PRKG1: variants seen among roughly 807,000 people sequenced by gnomAD.
PRKG1 encodes the protein cGMP-dependent protein kinase 1.
Under a neutral mutation model 88.1 loss-of-function variants are expected in PRKG1, and 35 were observed. The ratio of observed to expected loss-of-function variants is 0.40; its 90% CI spans 0.30 to 0.53. The LOEUF is 0.53. Ranked by LOEUF, PRKG1 falls within the 20% of genes least tolerant of loss-of-function variation. The probability of loss-of-function intolerance (pLI) is 0.59; values close to 1 mark genes in which losing one functional copy is unlikely to be tolerated. For synonymous variants in PRKG1, 303 were observed against 292.5 expected (o/e 1.04, Z -0.37); for missense variants, 540 against 839.8 (o/e 0.64, Z 4.41).
intron 4 of PRKG1, among the ~76,000 whole-genome samples, chr10:51,827,017 G>T (rs181532777): frequency 5.3e-5 from 8 of 152,204 alleles, no homozygotes; most frequent in African/African-American, 1.9e-4. Flanking sequence ...AACACTAAAA[G>T]AAACAATTAG....
intron 9 of PRKG1, among the ~76,000 whole-genome samples, chr10:52,250,542 C>G (rs934138479): frequency 6.6e-6 from 1 of 152,160 alleles, no homozygotes; most frequent in East Asian, 1.9e-4. Flanking sequence ...AGTATCATTA[C>G]CTCAAGTGCA....
chr10:51,380,821 G>T (rs61849764), intron 2 of PRKG1, among the ~76,000 whole-genome samples: 29,071 of 152,040 alleles, frequency 0.19, 3,134 homozygotes, highest in East Asian at 0.35. Flanking sequence ...ACCTTATAAG[G>T]GGAATAATGA....
At position 52,280,785 on chromosome 10, in the gene PRKG1, T is replaced by G; in HGVS notation, c.1404-4T>G. On this transcript the variant is annotated splice_region_variant and splice_polypyrimidine_tract_variant and intron_variant, in intron 12 of 17. Transcript: ENST00000373980. Reference sequence around the variant, plus strand: ...ACAATTTTCATTCCATTTCTGCACCTCAGAGGTTCGTTTGAAGATTCTACA... The same window carrying G: ...ACAATTTTCATTCCATTTCTGCACCGCAGAGGTTCGTTTGAAGATTCTACA... 6.2e-7 allele frequency: 1 copy of G among 1,612,190 alleles called. No individual in the cohort carries two copies. Among genetic ancestry groups the G allele is most frequent in the South Asian group, 1.1e-5 (1 of 90,880 alleles).
chr10:51,704,012 G>C (rs7100011), intron 3 of PRKG1, among the ~76,000 whole-genome samples: 28,967 of 151,510 alleles, frequency 0.19, 3,298 homozygotes, highest in African/African-American at 0.32. Flanking sequence ...AGGTGTGGTG[G>C]TGCATGCTTC....
intron 3 of PRKG1, among the ~76,000 whole-genome samples, chr10:51,565,782 A>T (rs1320791698): frequency 1.3e-5 from 2 of 150,808 alleles, no homozygotes; most frequent in African/African-American, 5.0e-5. Flanking sequence ...GTTAAATGTG[A>T]AGACATTTAC....
At chr10:51,175,335 A>T (rs915484859) in intron 2 of PRKG1, among the ~76,000 whole-genome samples, 3 of 152,008 alleles carry the variant, frequency 2.0e-5, no homozygotes, top group African/African-American at 7.2e-5. Context: ...ACACATATAT[A>T]CACACACATA....
chr10:51,850,239 C>T (rs369040455), intron 4 of PRKG1, among the ~76,000 whole-genome samples: 4 of 152,266 alleles, frequency 2.6e-5, no homozygotes, highest in East Asian at 3.9e-4. Flanking sequence ...TGCAATAGCA[C>T]GATCTCAGCT....
intron 3 of PRKG1, among the ~76,000 whole-genome samples, chr10:51,751,304 C>T (rs1179866275): frequency 2.6e-5 from 4 of 152,156 alleles, no homozygotes; most frequent in African/African-American, 9.7e-5. Flanking sequence ...GTGGTGCGAT[C>T]TCGGCTCACT....
intron 2 of PRKG1, among the ~76,000 whole-genome samples, chr10:51,153,572 T>C (rs551151769): frequency 6.6e-6 from 1 of 152,106 alleles, no homozygotes; most frequent in East Asian, 1.9e-4. Flanking sequence ...GTTAAAAATG[T>C]GAAAAAAGAA....
At chr10:51,140,883 G>A (rs1240483395) in intron 1 of PRKG1, among the ~76,000 whole-genome samples, 2 of 152,168 alleles carry the variant, frequency 1.3e-5, no homozygotes, top group African/African-American at 4.8e-5. Flanking sequence ...AGAGTCCCCT[G>A]AAGTCCTGAG....
intron 5 of PRKG1, among the ~76,000 whole-genome samples, chr10:51,997,736 T>G (rs1424526048): frequency 6.6e-6 from 1 of 152,034 alleles, no homozygotes; most frequent in African/African-American, 2.4e-5. Context: ...TGTTGGTGTA[T>G]TTTTTTGGGT....
intron 7 of PRKG1, among the ~76,000 whole-genome samples, chr10:52,115,503 T>A (rs530701842): frequency 6.6e-6 from 1 of 152,118 alleles, no homozygotes; most frequent in African/African-American, 2.4e-5. Flanking sequence ...GACATGACCA[T>A]CTCACTTTCT....
At chr10:51,979,215 C>A (rs1292797444) in intron 5 of PRKG1, among the ~76,000 whole-genome samples, 2 of 151,616 alleles carry the variant, frequency 1.3e-5, no homozygotes, top group East Asian at 3.9e-4. Flanking sequence ...CTATTGAGAT[C>A]ATGTAGTTTT....
At chr10:51,834,721 A>G (rs1473965137) in intron 4 of PRKG1, among the ~76,000 whole-genome samples, 1 of 150,670 alleles carries the variant, frequency 6.6e-6, no homozygotes, top group Non-Finnish European at 1.5e-5. Context: ...AGAAAGAGAA[A>G]GAAAAGAGAA....
At chr10:51,034,637 C>A in intron 1 of PRKG1, among the ~76,000 whole-genome samples, 1 of 103,684 alleles carries the variant, frequency 9.6e-6, no homozygotes, top group Middle Eastern at 6.3e-3. Context: ...CCTAAACAAT[C>A]AAATAAGCAA....
chr10:51,185,281 T>C lies in PRKG1; in HGVS notation c.478+31951T>C, dbSNP rs549646061. Among the ~76,000 whole-genome samples, 8 of 152,192 alleles carry C rather than the reference T, an allele frequency of 5.3e-5. No homozygotes were observed. In the South Asian group the frequency reaches 1.7e-3, roughly 32 times the overall value. On this transcript the variant is annotated intron_variant, in intron 2 of 17. Transcript: ENST00000373980. Reference sequence around the variant, plus strand: ...AAGAAATATTTATAAGAATCTATGGTGAATATTAAGTCTGCAATAAGTTAT... The same window carrying C: ...AAGAAATATTTATAAGAATCTATGGCGAATATTAAGTCTGCAATAAGTTAT...
chr10:51,360,215 T>C (rs1167642725), intron 2 of PRKG1, among the ~76,000 whole-genome samples: 1 of 151,912 alleles, frequency 6.6e-6, no homozygotes, highest in Non-Finnish European at 1.5e-5. Flanking sequence ...ATACTGGAGA[T>C]GTATGAATTC....
chr10:51,974,286 A>G (rs935379566), intron 5 of PRKG1, among the ~76,000 whole-genome samples: 6 of 152,150 alleles, frequency 3.9e-5, no homozygotes, highest in African/African-American at 9.7e-5. Context: ...TGGGAGGTAC[A>G]CAGCAGTGTC....
At chr10:52,078,309 T>C (rs1315377217) in intron 7 of PRKG1, among the ~76,000 whole-genome samples, 7 of 152,204 alleles carry the variant, frequency 4.6e-5, no homozygotes, top group African/African-American at 1.7e-4. Context: ...AATTTTAAAA[T>C]AACCACTAAT....
Sources: gnomAD v4.1 joint callset for allele counts (sites outside exome capture counted in the v4.1 genomes callset) on GRCh38, gnomAD v4.1.1 for gene constraint, MANE v1.5 for transcripts, NCBI Gene and HGNC (gene_info 2026-07-23, HGNC 2026-07-21) for gene names.